Variants in CREB5 observed in about 807,000 individuals in gnomAD.
The protein encoded by CREB5 is cAMP responsive element binding protein 5.
CREB5 carries 19 observed loss-of-function variants against 57.1 expected under a neutral mutation model. That is an observed-to-expected ratio of 0.33 (90% CI 0.23 to 0.49). CREB5 has a LOEUF of 0.49. CREB5 is among the 20% of genes least tolerant of loss of function. The pLI, the probability that CREB5 is intolerant of heterozygous loss-of-function variation, is 0.99. For synonymous variants in CREB5, 238 were observed against 238.3 expected (o/e 1.00, Z 0.01); for missense variants, 579 against 671.6 (o/e 0.86, Z 1.52).
At chr7:28,648,835 T>G (rs1046152216) in intron 5 of CREB5, among the ~76,000 whole-genome samples, 1 of 152,328 alleles carries the variant, frequency 6.6e-6, no homozygotes, top group Admixed American at 6.5e-5. Context: ...AAAGACTCTT[T>G]TATTTAAAAA....
At chr7:28,313,894 A>G (rs1785326914) in intron 1 of CREB5, among the ~76,000 whole-genome samples, 1 of 152,242 alleles carries the variant, frequency 6.6e-6, no homozygotes, top group South Asian at 2.1e-4. Flanking sequence ...AGCATACCAT[A>G]CAATGAGTTT....
At chr7:28,490,444 C>A (rs1305018902) in intron 2 of CREB5, among the ~76,000 whole-genome samples, 2 of 152,206 alleles carry the variant, frequency 1.3e-5, no homozygotes, top group African/African-American at 4.8e-5. Context: ...GGATTCCCAG[C>A]AACCTCCAGG....
intron 1 of CREB5, among the ~76,000 whole-genome samples, chr7:28,431,220 GC>G (rs1207748272): frequency 6.6e-6 from 1 of 152,200 alleles, no homozygotes; most frequent in Non-Finnish European, 1.5e-5. Context: ...ATTGGGTTTA[GC>G]CAGTACCTAT....
chr7:28,321,523 C>T (rs958613163), intron 1 of CREB5, among the ~76,000 whole-genome samples: 2 of 152,234 alleles, frequency 1.3e-5, no homozygotes, highest in African/African-American at 4.8e-5. Context: ...CAAGTATAGA[C>T]TCACAAGTGC....
rs1215492156 is a variant in CREB5, at chr7:28,560,879, C to CGTGTGTGT, written c.292-9483_292-9482insTGTGTGTG. 5.0e-4 allele frequency among the ~76,000 whole-genome samples: 11 copies of CGTGTGTGT among 22,060 alleles called. 1 individual carries two copies. Among genetic ancestry groups the CGTGTGTGT allele is most frequent in the Admixed American group, 1.9e-3 (3 of 1,612 alleles). The allele number at this position is 22,060 out of a possible 152,430, so 14.5% of individuals were successfully genotyped here. ...GTGTGCGTGTGCCTGCGTGCGCGTGCGTGCGTGCGTGTGTGTGCGTGCGCG... is the reference window on the plus strand; with the variant it reads ...GTGTGCGTGTGCCTGCGTGCGCGTGCGTGTGTGTGTGCGTGCGTGTGTGTGCGTGCGCG... On this transcript the variant is annotated intron_variant, in intron 4 of 10. Transcript: ENST00000357727.
intron 5 of CREB5, among the ~76,000 whole-genome samples, chr7:28,570,879 G>A (rs954343599): frequency 1.3e-5 from 2 of 152,036 alleles, no homozygotes; most frequent in African/African-American, 4.8e-5. Context: ...GTGGAGGGAA[G>A]TTCTACCAGC....
rs1241251367 is a variant in CREB5, at chr7:28,821,260, T to A, written c.*1981T>A. 2.0e-5 allele frequency: 3 copies of A among 152,048 alleles called. No individual in the cohort carries two copies. Among genetic ancestry groups the A allele is most frequent in the Non-Finnish European group, 4.4e-5 (3 of 67,990 alleles). 9.4% of individuals were successfully genotyped at this position (152,048 alleles called of 1,614,324 possible). Reference sequence around the variant, plus strand: ...TTTTTCTCTCACTATAGTATAAGAATCTATTTTGGAGAAAAAAAGAAAATA... The same window carrying A: ...TTTTTCTCTCACTATAGTATAAGAAACTATTTTGGAGAAAAAAAGAAAATA... On this transcript the variant is annotated 3_prime_UTR_variant, in exon 11 of 11. Transcript: ENST00000357727.
At chr7:28,409,107 CG>C (rs1787659104), upstream of CREB5, among the ~76,000 whole-genome samples, 1 of 151,774 alleles carries the variant, frequency 6.6e-6, no homozygotes, top group Admixed American at 6.5e-5. This position sits in a 1 kb window ranked among gnomAD's most constrained non-coding sequence, Gnocchi z 4.4. Flanking sequence ...CCGTGTCACA[CG>C]GCGCTGGGCT....
chr7:28,312,533 G>A (rs1562652236), intron 1 of CREB5, among the ~76,000 whole-genome samples: 1 of 152,146 alleles, frequency 6.6e-6, no homozygotes. Flanking sequence ...GGGTGGAGGC[G>A]AAGGAACGTG....
intron 7 of CREB5, among the ~76,000 whole-genome samples, chr7:28,737,866 CAATT>C (rs1431363917): frequency 1.3e-5 from 2 of 151,538 alleles, no homozygotes; most frequent in Non-Finnish European, 2.9e-5. Context: ...TTGAATTCAC[CAATT>C]AATTAATTGA....
intron 1 of CREB5, among the ~76,000 whole-genome samples, chr7:28,456,578 T>C (rs1023604619): frequency 6.6e-6 from 1 of 152,238 alleles, no homozygotes; most frequent in African/African-American, 2.4e-5. Context: ...AAGAGGCTGC[T>C]TCTAAAGACC....
At chr7:28,403,460 C>T (rs929536135) in intron 1 of CREB5, among the ~76,000 whole-genome samples, 1 of 152,122 alleles carries the variant, frequency 6.6e-6, no homozygotes, top group African/African-American at 2.4e-5. Context: ...TAGTGTCAGA[C>T]ATTGTTTTAA....
intron 1 of CREB5, among the ~76,000 whole-genome samples, chr7:28,416,663 A>G (rs1382997898): frequency 6.6e-6 from 1 of 152,216 alleles, no homozygotes; most frequent in African/African-American, 2.4e-5. Context: ...TATAGGCTCA[A>G]GCTTCTAAAA....
chr7:28,750,076 C>A (rs1463888147), intron 7 of CREB5, among the ~76,000 whole-genome samples: 1 of 152,110 alleles, frequency 6.6e-6, no homozygotes, highest in African/African-American at 2.4e-5. Context: ...CAATAGACAA[C>A]ATTTCAAATG....
intron 7 of CREB5, among the ~76,000 whole-genome samples, chr7:28,748,532 A>G (rs1804799829): frequency 6.6e-6 from 1 of 152,232 alleles, no homozygotes; most frequent in Non-Finnish European, 1.5e-5. Flanking sequence ...GTGGTATGAA[A>G]AAAGAAGAAT....
chr7:28,763,771 G>T (rs1805793466), intron 7 of CREB5, among the ~76,000 whole-genome samples: 1 of 150,880 alleles, frequency 6.6e-6, no homozygotes, highest in African/African-American at 2.4e-5. Flanking sequence ...AGATTTGAAA[G>T]CATGATGTAA....
chr7:28,662,359 G>T (rs1799641970), intron 5 of CREB5, among the ~76,000 whole-genome samples: 1 of 152,198 alleles, frequency 6.6e-6, no homozygotes. Flanking sequence ...ACTTCACCAG[G>T]TGGCCTCGCC....
chr7:28,382,523 C>T (rs138485733), intron 1 of CREB5, among the ~76,000 whole-genome samples: 1 of 152,070 alleles, frequency 6.6e-6, no homozygotes, highest in Non-Finnish European at 1.5e-5. Context: ...CATTTTTTTC[C>T]GTGAGCATTA....
intron 1 of CREB5, among the ~76,000 whole-genome samples, chr7:28,461,701 C>T (rs932306873): frequency 8.6e-5 from 13 of 152,020 alleles, no homozygotes; most frequent in Admixed American, 2.6e-4. Context: ...AAAACGATTT[C>T]GTGAATGTGA....
Sources: gnomAD v4.1 joint callset for allele counts (sites outside exome capture counted in the v4.1 genomes callset) on GRCh38, gnomAD v4.1.1 for gene constraint, Gnocchi (gnomAD v3.1) non-coding constraint, MANE v1.5 for transcripts, NCBI Gene and HGNC (gene_info 2026-07-23, HGNC 2026-07-21) for gene names.